WWOX: variants seen among roughly 807,000 people sequenced by gnomAD.
WWOX encodes the protein WW domain containing oxidoreductase, also known as WW domain-containing oxidoreductase.
In WWOX, 69 loss-of-function variants were observed where a neutral mutation model predicts 46.2. That is an observed-to-expected ratio of 1.49 (90% CI 1.23 to 1.82). WWOX has a LOEUF of 1.82. Ranked by LOEUF, WWOX falls within the 40% of genes most tolerant of loss-of-function variation. The pLI is 0.00. For missense variants in WWOX, 919 were observed against 542.6 expected, an observed-to-expected ratio of 1.69 and a Z score of -6.89; for synonymous variants, 359 against 202.6, an observed-to-expected ratio of 1.77 and a Z score of -6.56.
At chr16:78,548,444 A>G (rs547166212) in intron 8 of WWOX, among the ~76,000 whole-genome samples, 1 of 152,336 alleles carries the variant, frequency 6.6e-6, no homozygotes, top group South Asian at 2.1e-4. Context: ...TTTAATCTAA[A>G]GACATCCTAT....
At chr16:78,855,647 T>C (rs2052548957) in intron 8 of WWOX, among the ~76,000 whole-genome samples, 1 of 152,212 alleles carries the variant, frequency 6.6e-6, no homozygotes, top group Non-Finnish European at 1.5e-5. Flanking sequence ...CAACCTGTCT[T>C]CTCCCAGTTT....
intron 8 of WWOX, among the ~76,000 whole-genome samples, chr16:78,629,522 C>A (rs1356267367): frequency 6.6e-6 from 1 of 152,240 alleles, no homozygotes; most frequent in African/African-American, 2.4e-5. Flanking sequence ...AATCCCTTCA[C>A]TGGCTCACCA....
chr16:78,909,362 G>T (rs1446352355), intron 8 of WWOX, among the ~76,000 whole-genome samples: 1 of 152,182 alleles, frequency 6.6e-6, no homozygotes, highest in Non-Finnish European at 1.5e-5. Context: ...CGAGCCTCAT[G>T]TATTCTCTGT....
intron 6 of WWOX, among the ~76,000 whole-genome samples, chr16:78,421,799 T>C (rs1171587334): frequency 6.6e-6 from 1 of 152,244 alleles, no homozygotes; most frequent in Non-Finnish European, 1.5e-5. Context: ...TTATCAATGA[T>C]AAAATACTTC....
intron 8 of WWOX, among the ~76,000 whole-genome samples, chr16:78,684,508 G>T (rs993676536): frequency 3.9e-5 from 6 of 152,152 alleles, no homozygotes; most frequent in Admixed American, 2.0e-4. Flanking sequence ...AGTTCCCTCA[G>T]ATTTATTACG....
At chr16:79,127,973 T>C (rs959284592) in intron 8 of WWOX, among the ~76,000 whole-genome samples, 5 of 152,118 alleles carry the variant, frequency 3.3e-5, no homozygotes, top group African/African-American at 1.2e-4. Flanking sequence ...CCTGGTCTGA[T>C]AGAGGAACAA....
intron 8 of WWOX, among the ~76,000 whole-genome samples, chr16:78,923,949 G>T (rs1032915601): frequency 1.3e-5 from 2 of 151,762 alleles, no homozygotes; most frequent in African/African-American, 2.4e-5. Context: ...ACAGGTGCCC[G>T]CCACCACGCC....
intron 8 of WWOX, among the ~76,000 whole-genome samples, chr16:79,122,470 T>C (rs1293489806): frequency 6.6e-6 from 1 of 152,116 alleles, no homozygotes; most frequent in Non-Finnish European, 1.5e-5. Flanking sequence ...TTTTTCTGTT[T>C]CTTTCCTTCT....
intron 8 of WWOX, among the ~76,000 whole-genome samples, chr16:78,988,210 G>C (rs2046818147): frequency 6.6e-6 from 1 of 151,982 alleles, no homozygotes. Context: ...TGGGCATGGT[G>C]ACAGGCATCT....
chr16:78,406,344 ATATATATATATT>A (rs2082541827), intron 6 of WWOX, among the ~76,000 whole-genome samples: 5 of 83,266 alleles, frequency 6.0e-5, no homozygotes, highest in Admixed American at 2.2e-4. Context: ...ATATATATAT[ATATATATATATT>A]TTATTATTTT....
intron 8 of WWOX, among the ~76,000 whole-genome samples, chr16:78,710,514 T>TTTTATATATATATA (rs2048422145): frequency 1.1e-5 from 1 of 88,086 alleles, no homozygotes; most frequent in African/African-American, 4.0e-5. Context: ...ATAAATATAT[T>TTTTATATATATATA]TTATATTTAA....
chr16:78,257,266 A>C (rs531843937), intron 5 of WWOX, among the ~76,000 whole-genome samples: 1 of 152,222 alleles, frequency 6.6e-6, no homozygotes, highest in East Asian at 1.9e-4. Context: ...TAGGAAGGGG[A>C]AATAAGGCCA....
chr16:78,613,389 A>T (rs1179492537), intron 8 of WWOX, among the ~76,000 whole-genome samples: 1 of 152,116 alleles, frequency 6.6e-6, no homozygotes, highest in Non-Finnish European at 1.5e-5. Context: ...GGGTTGCCTG[A>T]GTGTCCCTGT....
intron 8 of WWOX, among the ~76,000 whole-genome samples, chr16:79,024,758 G>T (rs187893568): frequency 6.6e-6 from 1 of 152,136 alleles, no homozygotes; most frequent in Non-Finnish European, 1.5e-5. Context: ...TTTTCATGGA[G>T]ACAGGGTCTC....
At chr16:79,039,082 G>A (rs545797241) in intron 8 of WWOX, among the ~76,000 whole-genome samples, 110 of 152,106 alleles carry the variant, frequency 7.2e-4, no homozygotes, top group Middle Eastern at 3.4e-3. Context: ...TGGATAAACT[G>A]AACTTGATTT....
chr16:78,362,873 G>A (rs8057163), intron 5 of WWOX, among the ~76,000 whole-genome samples: 7,158 of 152,226 alleles, frequency 0.047, 195 homozygotes, highest in East Asian at 0.1. Context: ...GTGAGTTTCC[G>A]AAGTTGCTAA....
intron 2 of WWOX, 64 bp from the exon 3 acceptor site, chr16:78,109,714 C>T (rs1415095470): frequency 2.5e-6 from 4 of 1,587,310 alleles, no homozygotes; most frequent in East Asian, 4.5e-5. Flanking sequence ...TCCTTCCCTT[C>T]CTGACCCAGG....
intron 5 of WWOX, among the ~76,000 whole-genome samples, chr16:78,337,711 G>T (rs4036025): frequency 0.14 from 20,981 of 150,416 alleles, 2,342 homozygotes; most frequent in African/African-American, 0.26. Flanking sequence ...GAATTTAGGC[G>T]CTTTAGGCTA....
chr16:78,957,755 A>G (rs2151308585), intron 8 of WWOX, among the ~76,000 whole-genome samples: 1 of 152,342 alleles, frequency 6.6e-6, no homozygotes, highest in East Asian at 1.9e-4. Context: ...CACCATAGGA[A>G]CGGAGACCTT....
Sources: gnomAD v4.1 joint callset for allele counts (sites outside exome capture counted in the v4.1 genomes callset) on GRCh38, gnomAD v4.1.1 for gene constraint, MANE v1.5 for transcripts, NCBI Gene and HGNC (gene_info 2026-07-23, HGNC 2026-07-21) for gene names.